The following EXOC2 variants were observed in gnomAD, a reference collection of about 807,000 sequenced individuals.
EXOC2 encodes the protein SEC5-like 1.
A neutral mutation model predicts 131.8 loss-of-function variants in EXOC2; 70 were observed. That is an observed-to-expected ratio of 0.53 (90% CI 0.44 to 0.65). The LOEUF is 0.65. Ranked by LOEUF, EXOC2 falls within the 30% of genes least tolerant of loss-of-function variation. EXOC2 has a pLI of 0.00. For synonymous variants in EXOC2, 411 were observed against 398.4 expected, an observed-to-expected ratio of 1.03 and a Z score of -0.38; for missense variants, 923 against 1,108.6, an observed-to-expected ratio of 0.83 and a Z score of 2.38.
intron 25 of EXOC2, among the ~76,000 whole-genome samples, chr6:495,944 A>G (rs1207188869): frequency 3.3e-5 from 5 of 152,034 alleles, no homozygotes; most frequent in African/African-American, 1.2e-4. Flanking sequence ...GATAATTTCT[A>G]TTGGTTTACA....
intron 22 of EXOC2, among the ~76,000 whole-genome samples, chr6:547,283 C>T (rs1756914870): frequency 6.6e-6 from 1 of 152,172 alleles, no homozygotes; most frequent in Non-Finnish European, 1.5e-5. Context: ...GAAAAACTGG[C>T]CGTTTAATGC....
chr6:510,235 T>C lies in EXOC2; in HGVS notation c.2381-10535A>G, dbSNP rs542658620. Among the ~76,000 whole-genome samples the C allele has an allele frequency of 9.8e-5, 15 of 152,358 alleles. No homozygotes were observed. In the South Asian group the frequency reaches 3.1e-3, roughly 32 times the overall value. ...TTTTAAGTTCCCCTTCGTCAGGTTT[T>C]AGTGCCCTCATTCCCAAATTGATAA... On this transcript the variant is annotated intron_variant, in intron 23 of 27. Coordinates refer to ENST00000230449, the MANE Select transcript of EXOC2 (RefSeq NM_018303.6).
intron 7 of EXOC2, among the ~76,000 whole-genome samples, chr6:604,546 G>C (rs1272537816): frequency 1.3e-5 from 2 of 152,078 alleles, no homozygotes; most frequent in Admixed American, 1.3e-4. Context: ...TTCTGCGATG[G>C]CTCACTATTT....
chr6:676,962 C>T lies in EXOC2; in HGVS notation c.-44+16057G>A, dbSNP rs1459335960. Among the ~76,000 whole-genome samples, 15 of 79,300 alleles carry T rather than the reference C, an allele frequency of 1.9e-4. 5 individuals are homozygous for T. Among genetic ancestry groups the T allele is most frequent in the Non-Finnish European group, 4.3e-4 (14 of 32,378 alleles). The allele number at this position is 79,300 out of a possible 152,430, so 52.0% of individuals were successfully genotyped here. A position where few individuals can be genotyped will look rare whatever the true frequency, so the allele number is the denominator to read the frequency against. On this transcript the variant is annotated intron_variant, in intron 1 of 27. Transcript: ENST00000230449. The stretch of plus-strand genomic sequence containing the variant: ...TTCCTCTGAAGACTCTGCGGTTCCC[C>T]ATACTCTTCAACATTACGGAAAGGA...
chr6:673,863 AATG>A (rs1277110685), intron 1 of EXOC2, among the ~76,000 whole-genome samples: 1 of 152,214 alleles, frequency 6.6e-6, no homozygotes, highest in African/African-American at 2.4e-5. Flanking sequence ...CTGTTGGAAA[AATG>A]ATGCTGAGAC....
Position 678,797 on chromosome 6 carries a change from G to A in EXOC2, c.-44+14222C>T, listed in dbSNP as rs144896013. On this transcript the variant is annotated intron_variant, in intron 1 of 27. Transcript: ENST00000230449. ...AACACTGATGATGGGCCGTAGTCAG[G>A]ACAGCCAAAGATTAAGCTGAATTTT... Among the ~76,000 whole-genome samples, 61 of 152,204 alleles carry A rather than the reference G, an allele frequency of 4.0e-4. 3 individuals are homozygous for A. In the East Asian group the frequency reaches 0.012, roughly 29 times the overall value.
intron 9 of EXOC2, 120 bp downstream of exon 9, chr6:598,732 TTTACATTG>T: frequency 1.4e-6 from 1 of 691,688 alleles, no homozygotes; most frequent in Non-Finnish European, 2.4e-6. Flanking sequence ...AAGTAATTGC[TTTACATTG>T]TAAAGAGAGC....
intron 22 of EXOC2, among the ~76,000 whole-genome samples, chr6:545,995 T>C (rs1439185976): frequency 6.6e-6 from 1 of 152,172 alleles, no homozygotes; most frequent in African/African-American, 2.4e-5. Context: ...TTTTCTCAAA[T>C]TCCTTTTCAC....
intron 1 of EXOC2, among the ~76,000 whole-genome samples, chr6:683,890 A>T (rs1034597635): frequency 2.0e-5 from 3 of 152,260 alleles, no homozygotes; most frequent in Non-Finnish European, 4.4e-5. Context: ...ATGCTATGGA[A>T]AGTGCCTGTC....
intron 6 of EXOC2, among the ~76,000 whole-genome samples, chr6:616,283 T>G (rs927979591): frequency 1.7e-4 from 26 of 152,176 alleles, no homozygotes; most frequent in African/African-American, 5.6e-4. Flanking sequence ...CTGTTCCCTC[T>G]TAGACATTCA....
intron 23 of EXOC2, among the ~76,000 whole-genome samples, chr6:527,612 C>T (rs1006125880): frequency 1.3e-5 from 2 of 152,234 alleles, no homozygotes; most frequent in African/African-American, 2.4e-5. Context: ...GGTTACCCTA[C>T]TCTAGGTTAT....
chr6:553,954 T>C (rs899268139), intron 20 of EXOC2, 34 bp from the exon 21 acceptor site: 5 of 1,550,654 alleles, frequency 3.2e-6, no homozygotes, highest in South Asian at 1.1e-5. Flanking sequence ...CAGTTACAAA[T>C]AAAGCACTCA....
At chr6:691,487 T>C (rs1764920920) in intron 1 of EXOC2, among the ~76,000 whole-genome samples, 1 of 152,254 alleles carries the variant, frequency 6.6e-6, no homozygotes, top group Non-Finnish European at 1.5e-5. Context: ...GATTCTCCAC[T>C]TTCATTTAAA....
chr6:675,245 A>C (rs1231184276), intron 1 of EXOC2, among the ~76,000 whole-genome samples: 2 of 152,182 alleles, frequency 1.3e-5, no homozygotes, highest in Non-Finnish European at 2.9e-5. Context: ...CTCAATACTA[A>C]TTCTCGCTCT....
chr6:680,507 T>G (rs1764353505), intron 1 of EXOC2, among the ~76,000 whole-genome samples: 1 of 152,124 alleles, frequency 6.6e-6, no homozygotes, highest in African/African-American at 2.4e-5. Flanking sequence ...GCCTTCCCTG[T>G]GGCAATAAGC....
rs1763056652 is a variant in EXOC2, at chr6:486,506, G to A, written c.*165C>T. 4 of 588,338 alleles carry A rather than the reference G, an allele frequency of 6.8e-6. No individual in the cohort carries two copies. Among genetic ancestry groups the A allele is most frequent in the African/African-American group, 1.9e-5 (1 of 53,448 alleles). 36.4% of individuals were successfully genotyped at this position (588,338 alleles called of 1,614,324 possible). On this transcript the variant is annotated 3_prime_UTR_variant, in exon 28 of 28. Coordinates refer to ENST00000230449, the MANE Select transcript of EXOC2 (RefSeq NM_018303.6). ...ATACTTCCTGGGCATTTCAAATGAGGTCATTTTGGTTGAAATGTATACCAA... is the reference window on the plus strand; with the variant it reads ...ATACTTCCTGGGCATTTCAAATGAGATCATTTTGGTTGAAATGTATACCAA...
intron 20 of EXOC2, 71 bp from the exon 21 acceptor site, chr6:553,991 C>T: frequency 8.6e-7 from 1 of 1,157,342 alleles, no homozygotes; most frequent in Non-Finnish European, 1.3e-6. Flanking sequence ...GAACTATACG[C>T]AAATTTAAAC....
chr6:486,832 A>C (rs903711804), intron 27 of EXOC2, 68 bp from the exon 28 acceptor site: 2 of 1,261,082 alleles, frequency 1.6e-6, no homozygotes, highest in African/African-American at 3.0e-5. Context: ...AGAAAACACC[A>C]GGGGAGCCAG....
intron 1 of EXOC2, among the ~76,000 whole-genome samples, chr6:670,640 T>G (rs1010844454): frequency 1.3e-5 from 2 of 152,244 alleles, no homozygotes; most frequent in African/African-American, 4.8e-5. Context: ...AATTTTTGAC[T>G]TTTAAAAACT....
Sources: gnomAD v4.1 joint callset for allele counts (sites outside exome capture counted in the v4.1 genomes callset) on GRCh38, gnomAD v4.1.1 for gene constraint, MANE v1.5 for transcripts, NCBI Gene and HGNC (gene_info 2026-07-23, HGNC 2026-07-21) for gene names.